ABCC9: variants seen among roughly 807,000 people sequenced by gnomAD.
ABCC9 encodes the protein ATP-binding cassette sub-family C member 9.
ABCC9 carries 95 observed loss-of-function variants against 188.3 expected under a neutral mutation model. That is an observed-to-expected ratio of 0.50 (90% CI 0.43 to 0.60). The LOEUF (loss-of-function observed/expected upper bound fraction) is 0.60. ABCC9 is among the 20% of genes least tolerant of loss of function. The pLI is 0.00. For synonymous variants in ABCC9, 659 were observed against 652.7 expected, an observed-to-expected ratio of 1.01 and a Z score of -0.15; for missense variants, 1,102 against 1,876.3, an observed-to-expected ratio of 0.59 and a Z score of 7.62.
chr12:21,934,018 G>C (rs1949386340), intron 3 of ABCC9, 95 bp from the exon 4 acceptor site: 2 of 1,345,070 alleles, frequency 1.5e-6, no homozygotes, highest in Non-Finnish European at 2.1e-6. Context: ...TTAAGGCAGG[G>C]GTGGGGGGGT....
Position 21,859,530 on chromosome 12 carries a change from T to C in ABCC9, c.2505+56A>G, listed in dbSNP as rs533446721. The C allele has an allele frequency of 5.9e-6, 9 of 1,538,140 alleles. No homozygotes were observed. In the African/African-American group the frequency reaches 1.2e-4, roughly 21 times the overall value. On this transcript the variant is annotated intron_variant, in intron 22 of 39. Coordinates refer to ENST00000261200, the MANE Select transcript of ABCC9 (RefSeq NM_020297.4). ...ACTTGACTTACACCTTTTTAAAGACTCATTTGTCCAGATGGAAGAATGAAA... is the reference window on the plus strand; with the variant it reads ...ACTTGACTTACACCTTTTTAAAGACCCATTTGTCCAGATGGAAGAATGAAA...
chr12:21,913,612 T>C (rs906107549), intron 7 of ABCC9, among the ~76,000 whole-genome samples: 3 of 152,204 alleles, frequency 2.0e-5, no homozygotes, highest in Non-Finnish European at 4.4e-5. Flanking sequence ...CCCTGAATGG[T>C]AGTCAATACT....
chr12:21,818,957 T>A (rs1471578781), intron 31 of ABCC9, among the ~76,000 whole-genome samples: 5 of 152,154 alleles, frequency 3.3e-5, no homozygotes, highest in Non-Finnish European at 7.3e-5. Flanking sequence ...TAAATAAGAA[T>A]AAGCACTATG....
At position 21,872,633 on chromosome 12, in the gene ABCC9, G is replaced by T. The variant is rs771887289; in HGVS notation, c.2190C>A (p.His730Gln). 26 of 1,612,274 alleles carry T rather than the reference G, an allele frequency of 1.6e-5. No homozygotes were observed. The highest frequency in any genetic ancestry group is 2.1e-5 in the Non-Finnish European group (25 of 1,178,500). ...ACTAAAAATATACATACTTGCTCCA[G>T]TGAACTTTTCCTTCCAATGTCTGCA... ...GEMQTLEGKV[H>Q]WSNVNESEPS... Residue 730 changes from histidine to glutamine, a missense_variant, in exon 18 of 40, where the codon CAC becomes CAA. Transcript: ENST00000261200.
chr12:21,865,524 T>A (rs1295772529), intron 18 of ABCC9, among the ~76,000 whole-genome samples: 1 of 152,194 alleles, frequency 6.6e-6, no homozygotes, highest in Non-Finnish European at 1.5e-5. Context: ...CTTTGTTTTC[T>A]GTGGTATAAA....
chr12:21,864,307 C>A, intron 19 of ABCC9, 132 bp downstream of exon 19: 1 of 689,764 alleles, frequency 1.4e-6, no homozygotes. Context: ...CGAACCACTG[C>A]TGTTGGAAAT....
Position 21,812,924 on chromosome 12 carries a change from G to A in ABCC9, c.4103-767C>T, listed in dbSNP as rs1040427990. ...TCTTTCTTATATATTTCTCCTAAGG[G>A]AATTCAGAGTTTTTATTCTGTTTAT... On this transcript the variant is annotated intron_variant, in intron 35 of 39. Coordinates refer to ENST00000261200, the MANE Select transcript of ABCC9 (RefSeq NM_020297.4). Among the ~76,000 whole-genome samples, 13 of 152,094 alleles carry A rather than the reference G, an allele frequency of 8.5e-5. No homozygotes were observed. The East Asian group carries it at 2.5e-3, about 29-fold the overall frequency.
At chr12:21,818,524 A>ATGTGTG (rs1359501615) in intron 31 of ABCC9, among the ~76,000 whole-genome samples, 34 of 125,034 alleles carry the variant, frequency 2.7e-4, no homozygotes, top group African/African-American at 1.1e-3. Flanking sequence ...AGATATATAT[A>ATGTGTG]TATGTGTGTG....
intron 17 of ABCC9, among the ~76,000 whole-genome samples, chr12:21,873,276 A>G (rs1946173427): frequency 6.6e-6 from 1 of 152,134 alleles, no homozygotes; most frequent in Non-Finnish European, 1.5e-5. Flanking sequence ...TAAATATTTT[A>G]TTCTTTTTGA....
chr12:21,895,295 G>A lies in ABCC9; in HGVS notation c.1639C>T (p.Pro547Ser). 1 of 1,613,716 alleles carries A rather than the reference G, an allele frequency of 6.2e-7. No individual in the cohort carries two copies. The highest frequency in any genetic ancestry group is 8.5e-7 in the Non-Finnish European group (1 of 1,179,708). ...SLSIFMNAAI[P>S]IAAVLATFVT... ...CTTACAGCAAGAACAGCTGCTATGG[G>A]AATTGCTGCATTCATGAAGACTGTG... The change falls in exon 13 of 40, where the codon CCC becomes TCC. Residue 547 changes from proline to serine, a missense_variant. By Grantham distance (74) the Pro-to-Ser change is moderately conservative. This residue lies in a region of ABCC9 where 258 missense variants were observed against 325.6 expected (regional missense o/e 0.79). Coordinates refer to ENST00000261200, the MANE Select transcript of ABCC9 (RefSeq NM_020297.4).
At chr12:21,825,397 T>C (rs1268260912) in intron 31 of ABCC9, among the ~76,000 whole-genome samples, 1 of 152,182 alleles carries the variant, frequency 6.6e-6, no homozygotes, top group Non-Finnish European at 1.5e-5. Flanking sequence ...CCAACCCAAA[T>C]GCCCATCAAT....
intron 32 of ABCC9, among the ~76,000 whole-genome samples, 160 bp downstream of exon 32, chr12:21,817,989 AC>A (rs954831652): frequency 2.0e-5 from 3 of 150,820 alleles, no homozygotes; most frequent in East Asian, 1.9e-4. Flanking sequence ...CTATTGACCC[AC>A]CCTCTAAGTT....
intron 5 of ABCC9, among the ~76,000 whole-genome samples, chr12:21,921,306 A>C (rs1948808662): frequency 6.6e-6 from 1 of 152,014 alleles, no homozygotes; most frequent in South Asian, 2.1e-4. Flanking sequence ...TTTGATAAGC[A>C]TTTCTCCGAT....
chr12:21,839,613 CAT>C (rs1944274595), intron 29 of ABCC9, among the ~76,000 whole-genome samples: 3 of 152,334 alleles, frequency 2.0e-5, no homozygotes, highest in East Asian at 1.9e-4. Context: ...AGTTATATCA[CAT>C]GTTTCAATGC....
intron 32 of ABCC9, among the ~76,000 whole-genome samples, chr12:21,817,700 T>C (rs1458549641): frequency 6.6e-6 from 1 of 152,164 alleles, no homozygotes; most frequent in Admixed American, 6.6e-5. Context: ...TGAGAAGTTC[T>C]TAAAAATTGG....
chr12:21,815,937 A>AGATT (rs779478131), intron 33 of ABCC9, 44 bp from the exon 34 acceptor site: 1 of 1,530,354 alleles, frequency 6.5e-7, no homozygotes, highest in South Asian at 1.1e-5. Context: ...AGGCAGATAG[A>AGATT]GATTGATGTA....
chr12:21,876,538 G>T (rs1946358471), intron 16 of ABCC9, among the ~76,000 whole-genome samples: 1 of 152,120 alleles, frequency 6.6e-6, no homozygotes, highest in Admixed American at 6.5e-5. Flanking sequence ...CATTGCTTGT[G>T]GTATAAACGT....
intron 5 of ABCC9, chr12:21,925,377 G>A (rs370901575): frequency 3.4e-6 from 2 of 587,698 alleles, no homozygotes; most frequent in East Asian, 2.9e-5. Flanking sequence ...TCACAATGCA[G>A]GTGCGAAAGG....
intron 29 of ABCC9, among the ~76,000 whole-genome samples, chr12:21,840,544 G>C (rs704178): frequency 0.55 from 83,206 of 152,004 alleles, 23,546 homozygotes; most frequent in African/African-American, 0.66. Context: ...GGCAATAATA[G>C]GACCAAATGA....
Sources: allele counts gnomAD v4.1 joint callset (sites outside exome capture counted in the v4.1 genomes callset), GRCh38; gene constraint gnomAD v4.1.1; regional missense constraint gnomAD v4.1.1; transcripts MANE v1.5; gene names NCBI Gene and HGNC (gene_info 2026-07-23, HGNC 2026-07-21).